The following AK7 variants were observed in gnomAD, a reference collection of about 807,000 sequenced individuals.
AK7 encodes ATP-AMP transphosphorylase 7.
A neutral mutation model predicts 96.6 loss-of-function variants in AK7; 78 were observed. That is an observed-to-expected ratio of 0.81 (90% CI 0.67 to 0.97). The LOEUF (loss-of-function observed/expected upper bound fraction) is 0.97. Among genes scored for constraint, AK7 ranks in the 50% least tolerant of loss-of-function variants. AK7 has a pLI of 0.00. For synonymous variants in AK7, 302 were observed against 317.2 expected (o/e 0.95, Z 0.51); for missense variants, 855 against 887.9 (o/e 0.96, Z 0.47).
chr14:96,431,492 T>C (rs979201896), intron 5 of AK7, among the ~76,000 whole-genome samples: 7 of 152,240 alleles, frequency 4.6e-5, no homozygotes, highest in Non-Finnish European at 8.8e-5. Context: ...AGAACATCTT[T>C]ATTTATGCCT....
chr14:96,429,943 A>G (rs556669488), intron 5 of AK7, among the ~76,000 whole-genome samples: 1 of 152,310 alleles, frequency 6.6e-6, no homozygotes, highest in South Asian at 2.1e-4. Context: ...TCCTAATTGA[A>G]TACCCTTTAT....
chr14:96,457,993 A>C, intron 11 of AK7, 90 bp from the exon 12 acceptor site: 1 of 1,556,166 alleles, frequency 6.4e-7, no homozygotes, highest in Middle Eastern at 2.4e-4. Flanking sequence ...TTTGGATCCC[A>C]AGCTTTTTCC....
In AK7 at chr14:96,442,790, C is replaced by T; in HGVS notation, c.751C>T (p.Pro251Ser). Residue 251 changes from proline (P) to serine (S), a missense_variant, in exon 7 of 18, where the codon CCA (proline) becomes TCA (serine). Pro to Ser is a moderately conservative substitution (Grantham distance 74). Coordinates refer to ENST00000267584, the MANE Select transcript of AK7 (RefSeq NM_152327.5). The stretch of plus-strand genomic sequence containing the variant: ...TTTTGGCGATGGAACAAATGTAATT[C>T]CAACAATCCATGTTCTTGATCTAGC... ...PVFGDGTNVIPTIHVLDLAGV... is the reference protein window; with the variant it reads ...PVFGDGTNVISTIHVLDLAGV... 6.2e-7 allele frequency: 1 copy of T among 1,614,102 alleles called. No homozygotes were observed. Among genetic ancestry groups the T allele is most frequent in the South Asian group, 1.1e-5 (1 of 91,084 alleles).
At chr14:96,422,354 TACAA>T (rs1196722494) in intron 5 of AK7, among the ~76,000 whole-genome samples, 1 of 152,180 alleles carries the variant, frequency 6.6e-6, no homozygotes, top group African/African-American at 2.4e-5. Context: ...CAAAGCTGGT[TACAA>T]ACAATCCATA....
intron 5 of AK7, among the ~76,000 whole-genome samples, chr14:96,431,057 T>C (rs1186410593): frequency 6.6e-6 from 1 of 151,998 alleles, no homozygotes; most frequent in Non-Finnish European, 1.5e-5. Flanking sequence ...TGTGTAGAGG[T>C]GTTTATTCTC....
At chr14:96,425,097 A>G (rs191297827) in intron 5 of AK7, among the ~76,000 whole-genome samples, 1 of 152,342 alleles carries the variant, frequency 6.6e-6, no homozygotes, top group Admixed American at 6.5e-5. Flanking sequence ...CAATTTGGTC[A>G]TCCCAATGAT....
At chr14:96,416,021 G>A (rs1891329767) in intron 4 of AK7, among the ~76,000 whole-genome samples, 2 of 152,202 alleles carry the variant, frequency 1.3e-5, no homozygotes, top group South Asian at 4.2e-4. Flanking sequence ...ATTGTCACAC[G>A]TAATAACCAG....
rs760260377 is a variant in AK7, at chr14:96,408,950, A to G, written c.498+9A>G. 1.9e-6 allele frequency: 3 copies of G among 1,613,204 alleles called. No individual in the cohort carries two copies. Among genetic ancestry groups the G allele is most frequent in the Admixed American group, 3.3e-5 (2 of 59,980 alleles). On this transcript the variant is annotated intron_variant, in intron 4 of 17. Coordinates refer to ENST00000267584, the MANE Select transcript of AK7 (RefSeq NM_152327.5). ...CCAAAGCCCTGGACCCCGTAAGTAG[A>G]GCGTTAGCTTTCCTTTAGGTAACAT...
chr14:96,484,398 G>C (rs1895666452), intron 16 of AK7, among the ~76,000 whole-genome samples: 1 of 152,146 alleles, frequency 6.6e-6, no homozygotes, highest in South Asian at 2.1e-4. Flanking sequence ...TTCCTACGCA[G>C]CTGCCAGGTG....
At chr14:96,427,177 A>G (rs1027454497) in intron 5 of AK7, among the ~76,000 whole-genome samples, 1 of 152,188 alleles carries the variant, frequency 6.6e-6, no homozygotes, top group Admixed American at 6.5e-5. Flanking sequence ...CCTGGAAGGC[A>G]GAGGTTGCAG....
chr14:96,481,171 G>C (rs554139790), intron 15 of AK7, among the ~76,000 whole-genome samples: 1 of 152,086 alleles, frequency 6.6e-6, no homozygotes, highest in African/African-American at 2.4e-5. Context: ...GTCACAGTTC[G>C]GGCTGAGGTG....
chr14:96,392,327 C>A, intron 1 of AK7, 68 bp downstream of exon 1: 2 of 1,446,260 alleles, frequency 1.4e-6, no homozygotes, highest in Non-Finnish European at 1.9e-6. Context: ...CCCCGGTCCG[C>A]AAACCCAGCG....
intron 5 of AK7, chr14:96,423,988 T>G: frequency 1.1e-6 from 1 of 885,498 alleles, no homozygotes; most frequent in South Asian, 1.3e-5. Flanking sequence ...TTGGGGATCC[T>G]TCCTGCTTGG....
At chr14:96,474,524 G>A (rs1895073278) in intron 14 of AK7, among the ~76,000 whole-genome samples, 1 of 151,782 alleles carries the variant, frequency 6.6e-6, no homozygotes, top group Non-Finnish European at 1.5e-5. Flanking sequence ...TACTTGGAAG[G>A]CTGAGGTAGG....
chr14:96,435,537 A>G (rs1375801890), intron 5 of AK7, among the ~76,000 whole-genome samples: 1 of 152,136 alleles, frequency 6.6e-6, no homozygotes, highest in East Asian at 1.9e-4. Context: ...TGGCTGCTCC[A>G]GCTGGTGTCT....
At chr14:96,425,666 T>G (rs1891987234) in intron 5 of AK7, among the ~76,000 whole-genome samples, 1 of 152,188 alleles carries the variant, frequency 6.6e-6, no homozygotes, top group East Asian at 1.9e-4. Context: ...TATTTTTTAG[T>G]AGAGACAGGG....
At chr14:96,455,562 G>A (rs980666807) in intron 10 of AK7, among the ~76,000 whole-genome samples, 1 of 152,160 alleles carries the variant, frequency 6.6e-6, no homozygotes, top group East Asian at 1.9e-4. Context: ...CAGTAAATTA[G>A]GCCCTTTGCA....
intron 15 of AK7, among the ~76,000 whole-genome samples, chr14:96,479,741 C>T (rs1236314108): frequency 6.6e-6 from 1 of 152,154 alleles, no homozygotes; most frequent in Non-Finnish European, 1.5e-5. Context: ...CCTGACCTAC[C>T]TTTCTGGTTT....
At chr14:96,475,493 C>T (rs993984591) in intron 14 of AK7, among the ~76,000 whole-genome samples, 8 of 152,094 alleles carry the variant, frequency 5.3e-5, no homozygotes, top group African/African-American at 1.9e-4. Context: ...TCTCTAGTTG[C>T]CTGGGGCCTG....
Sources: gnomAD v4.1 joint callset for allele counts (sites outside exome capture counted in the v4.1 genomes callset) on GRCh38, gnomAD v4.1.1 for gene constraint, MANE v1.5 for transcripts, NCBI Gene and HGNC (gene_info 2026-07-23, HGNC 2026-07-21) for gene names.